CTSC: variants seen among roughly 807,000 people sequenced by gnomAD.
The protein encoded by CTSC is cathepsin C, also known as dipeptidyl peptidase 1.
CTSC carries 37 observed loss-of-function variants against 40.9 expected under a neutral mutation model. That is an observed-to-expected ratio of 0.91 (90% CI 0.70 to 1.19). The LOEUF (loss-of-function observed/expected upper bound fraction) is 1.19. CTSC is among the 50% of genes most tolerant of loss of function. The pLI, the probability that CTSC is intolerant of heterozygous loss-of-function variation, is 0.00. For synonymous variants in CTSC, 232 were observed against 207.4 expected, an observed-to-expected ratio of 1.12 and a Z score of -1.02; for missense variants, 594 against 567.3, an observed-to-expected ratio of 1.05 and a Z score of -0.48.
At chr11:88,325,369 C>A (rs1565262075) in intron 2 of CTSC, 9 of 985,172 alleles carry the variant, frequency 9.1e-6, no homozygotes, top group Non-Finnish European at 1.2e-6. Context: ...CAAGGCAGTT[C>A]TTCTCTTAAA....
intron 4 of CTSC, 67 bp downstream of exon 4, chr11:88,309,096 T>C (rs1291513531): frequency 7.0e-7 from 1 of 1,431,978 alleles, no homozygotes; most frequent in African/African-American, 1.4e-5. Context: ...CTGGTAGGAC[T>C]GCTTAGGAGG....
intron 2 of CTSC, among the ~76,000 whole-genome samples, chr11:88,315,583 A>G (rs894445613): frequency 1.3e-5 from 2 of 152,018 alleles, no homozygotes; most frequent in Non-Finnish European, 2.9e-5. Context: ...TTGTGCCACA[A>G]TGGCAGAGAT....
chr11:88,305,187 TA>T (rs1186612265), intron 4 of CTSC, among the ~76,000 whole-genome samples: 2 of 152,132 alleles, frequency 1.3e-5, no homozygotes, highest in African/African-American at 4.8e-5. Flanking sequence ...TTGTTTAGCA[TA>T]CAATCAAGAA....
At position 88,337,675 on chromosome 11, in the gene CTSC, T is replaced by A. The variant is rs534568252; in HGVS notation, c.-3A>T. 6.4e-6 allele frequency: 10 copies of A among 1,569,834 alleles called. No homozygotes were observed. The highest frequency in any genetic ancestry group is 7.8e-6 in the Non-Finnish European group (9 of 1,157,132). On this transcript the variant is annotated 5_prime_UTR_variant, in exon 1 of 7. Coordinates refer to ENST00000227266, the MANE Select transcript of CTSC (RefSeq NM_001814.6). ...AGCAAGGAGGGCCCAGCACCCATGC[T>A]GCAGGGAGCTGAGAAAAGAGGTGAA...
chr11:88,328,321 ATACTCT>A, intron 2 of CTSC: 1 of 729,778 alleles, frequency 1.4e-6, no homozygotes. Flanking sequence ...CTCCACTGAA[ATACTCT>A]TACAAGTAAA....
At chr11:88,294,642 T>G in intron 6 of CTSC, 134 bp from the exon 7 acceptor site, 1 of 970,778 alleles carries the variant, frequency 1.0e-6, no homozygotes, top group Non-Finnish European at 1.6e-6. Flanking sequence ...ATCACTTCAT[T>G]CATCCATCCA....
intron 2 of CTSC, chr11:88,324,513 C>G (rs745832529): frequency 3.1e-6 from 3 of 980,502 alleles, no homozygotes; most frequent in South Asian, 4.7e-5. Context: ...AAAATTAATT[C>G]TTTGTAAGTT....
chr11:88,336,780 G>A (rs1383787255), intron 1 of CTSC, among the ~76,000 whole-genome samples: 1 of 152,000 alleles, frequency 6.6e-6, no homozygotes, highest in Non-Finnish European at 1.5e-5. Context: ...TAGGTTCTTT[G>A]TTCTAGGGGT....
rs773090897 is a variant in CTSC, at chr11:88,300,538, C to T, written c.749G>A (p.Arg250Gln). 60 of 1,601,514 alleles carry T rather than the reference C, an allele frequency of 3.7e-5. No individual in the cohort carries two copies. The highest frequency in any genetic ancestry group is 4.9e-5 in the Non-Finnish European group (57 of 1,168,660). The change falls in exon 5 of 7, where the codon CGA becomes CAA. Residue 250 changes from arginine to glutamine, a missense_variant. Transcript: ENST00000227266. ...TAGGCTTATTTTTTTACCTTGGTTT[C>T]GAACAGGACTGACAAAATTGATACC... ...VHGINFVSPV[R>Q]NQASCGSCYS...
Position 88,335,097 on chromosome 11 carries a change from A to AC in CTSC, c.173-16_173-15insG. 6.4e-7 allele frequency: 1 copy of AC among 1,562,810 alleles called. No homozygotes were observed. Among genetic ancestry groups the AC allele is most frequent in the Non-Finnish European group, 8.8e-7 (1 of 1,139,954 alleles). On this transcript the variant is annotated splice_polypyrimidine_tract_variant and intron_variant, in intron 1 of 6. Transcript: ENST00000227266. Reference sequence around the variant, plus strand: ...TTCTTGTGGTCCTAAAGAAAAAAAAAAAAAGCACAATAAAGGAAAATTATT... The same window carrying AC: ...TTCTTGTGGTCCTAAAGAAAAAAAAACAAAAGCACAATAAAGGAAAATTATT...
At chr11:88,326,142 G>C in intron 2 of CTSC, 1 of 1,309,350 alleles carries the variant, frequency 7.6e-7, no homozygotes, top group Non-Finnish European at 9.7e-7. Context: ...CCAAGATTTT[G>C]CATCTTCAGA....
Position 88,324,343 on chromosome 11 carries a change from A to G in CTSC, c.318+10594T>C, listed in dbSNP as rs1007461760. Reference sequence around the variant, plus strand: ...GAATGCCATTGAATATATTTTTTACATATCAGTTGCTTTGGTTATATTTAC... The same window carrying G: ...GAATGCCATTGAATATATTTTTTACGTATCAGTTGCTTTGGTTATATTTAC... On this transcript the variant is annotated intron_variant, in intron 2 of 6. Transcript: ENST00000227266. 1.3e-5 allele frequency: 13 copies of G among 972,354 alleles called. No individual in the cohort carries two copies. The Middle Eastern group carries it at 2.7e-3, about 198-fold the overall frequency. 60.2% of individuals were successfully genotyped at this position (972,354 alleles called of 1,614,324 possible). A position where few individuals can be genotyped will look rare whatever the true frequency, so the allele number is the denominator to read the frequency against.
intron 2 of CTSC, among the ~76,000 whole-genome samples, chr11:88,319,693 T>G (rs1040887083): frequency 1.3e-5 from 2 of 152,162 alleles, no homozygotes. Flanking sequence ...TCGCTTAATA[T>G]TTCACATTTT....
At chr11:88,317,271 T>C (rs947230085) in intron 2 of CTSC, among the ~76,000 whole-genome samples, 1 of 152,228 alleles carries the variant, frequency 6.6e-6, no homozygotes, top group Admixed American at 6.5e-5. Context: ...CCAGCCTTCT[T>C]ATTTAATATT....
intron 6 of CTSC, among the ~76,000 whole-genome samples, chr11:88,294,938 A>G (rs573865770): frequency 1.7e-4 from 26 of 152,360 alleles, no homozygotes; most frequent in African/African-American, 6.3e-4. Flanking sequence ...GCCAGACCCC[A>G]CAACTTGGCT....
Position 88,312,446 on chromosome 11 carries a change from C to T in CTSC, c.427G>A (p.Gly143Arg). 6.2e-7 allele frequency: 1 copy of T among 1,614,122 alleles called. No individual in the cohort carries two copies. Among genetic ancestry groups the T allele is most frequent in the Admixed American group, 1.7e-5 (1 of 60,012 alleles). ...NWACFTGKKV[G>R]TASENVYVNI... is the part of the protein sequence containing the mutation. ...ACATACACATTCTCAGAGGCAGTTC[C>T]CACCTTCTTTCCGGTGAAACAAGCC... Residue 143 changes from glycine to arginine, a missense_variant, in exon 3 of 7, where the codon GGA becomes AGA. Gly to Arg is a moderately radical substitution (Grantham distance 125). Transcript: ENST00000227266.
chr11:88,312,633 C>G (rs1937790590), intron 2 of CTSC, 79 bp from the exon 3 acceptor site: 1 of 1,442,742 alleles, frequency 6.9e-7, no homozygotes, highest in African/African-American at 2.0e-5. Context: ...CTCTCATTCA[C>G]AGTAAATGTG....
At chr11:88,313,841 G>C (rs1272263870) in intron 2 of CTSC, among the ~76,000 whole-genome samples, 1 of 152,184 alleles carries the variant, frequency 6.6e-6, no homozygotes, top group Non-Finnish European at 1.5e-5. Flanking sequence ...GGGATTCCAT[G>C]ATCAAATGCA....
intron 2 of CTSC, among the ~76,000 whole-genome samples, chr11:88,333,355 T>C (rs1938412094): frequency 6.6e-6 from 1 of 152,244 alleles, no homozygotes. Flanking sequence ...TCCACTTCAT[T>C]CATTCATTTT....
Sources: allele counts gnomAD v4.1 joint callset (sites outside exome capture counted in the v4.1 genomes callset), GRCh38; gene constraint gnomAD v4.1.1; transcripts MANE v1.5; gene names NCBI Gene and HGNC (gene_info 2026-07-23, HGNC 2026-07-21).